The following CSGALNACT1 variants were observed in gnomAD, a reference collection of about 807,000 sequenced individuals.
CSGALNACT1 encodes beta4GalNAcT-1.
In CSGALNACT1, 52 loss-of-function variants were observed where a neutral mutation model predicts 51.0. The ratio of observed to expected loss-of-function variants is 1.02; its 90% confidence interval spans 0.82 to 1.29. CSGALNACT1 has a LOEUF of 1.29. CSGALNACT1 is among the 50% of genes most tolerant of loss of function. The pLI, the probability that CSGALNACT1 is intolerant of heterozygous loss-of-function variation, is 0.00. For missense variants in CSGALNACT1, 935 were observed against 679.2 expected, an observed-to-expected ratio of 1.38 and a Z score of -4.19; for synonymous variants, 341 against 254.4, an observed-to-expected ratio of 1.34 and a Z score of -3.24.
upstream of CSGALNACT1, chr8:19,683,134 A>G (rs372679191): frequency 7.2e-4 from 154 of 213,446 alleles, no homozygotes; most frequent in South Asian, 0.012. Context: ...AGGTGTTAGG[A>G]TTTGATCTGT....
intron 1 of CSGALNACT1, among the ~76,000 whole-genome samples, chr8:19,643,140 T>C (rs890915251): frequency 6.6e-6 from 1 of 152,058 alleles, no homozygotes; most frequent in Non-Finnish European, 1.5e-5. Context: ...ATATGTTATA[T>C]AGTATATTAT....
At chr8:19,476,849 C>A (rs960316832) in intron 4 of CSGALNACT1, among the ~76,000 whole-genome samples, 5 of 152,108 alleles carry the variant, frequency 3.3e-5, no homozygotes, top group African/African-American at 9.7e-5. Context: ...AGTGAGCAAG[C>A]CTTCAGATGA....
At position 19,464,446 on chromosome 8, in the gene CSGALNACT1, T is replaced by C. The variant is rs7015023; in HGVS notation, c.635-5804A>G. On this transcript the variant is annotated intron_variant, in intron 4 of 9. Transcript: ENST00000454498. ...GCTCCGTAATCAGGGCCCCACCTAC[T>C]GTACTAGTTTCAAGTCTTGTTCTTG... Among the ~76,000 whole-genome samples the C allele has an allele frequency of 6.2e-3, 940 of 152,260 alleles. 10 individuals carry two copies. Among genetic ancestry groups the C allele is most frequent in the African/African-American group, 0.022 (909 of 41,554 alleles).
intron 1 of CSGALNACT1, among the ~76,000 whole-genome samples, chr8:19,648,936 ACT>A (rs1196609440): frequency 1.3e-5 from 2 of 152,136 alleles, no homozygotes; most frequent in Non-Finnish European, 2.9e-5. Flanking sequence ...AATAAATCAG[ACT>A]CTACAGTGTT....
chr8:19,669,560 TC>T (rs1180549559), intron 1 of CSGALNACT1, among the ~76,000 whole-genome samples: 1 of 152,222 alleles, frequency 6.6e-6, no homozygotes, highest in Non-Finnish European at 1.5e-5. Flanking sequence ...CAAGCGATTC[TC>T]CTCCTTCAGC....
At chr8:19,510,053 G>A (rs2078174312) in intron 3 of CSGALNACT1, among the ~76,000 whole-genome samples, 2 of 151,936 alleles carry the variant, frequency 1.3e-5, no homozygotes, top group South Asian at 2.1e-4. Context: ...CCCGTTTTTT[G>A]TTTTTTTAAT....
Position 19,439,696 on chromosome 8 carries a change from C to A in CSGALNACT1, c.953+134G>T, listed in dbSNP as rs984461470. ...AGGAGTGCAGACTTTTCCCTGAACA[C>A]AGCCAGCAATCAATCCATCCCAGTT... On this transcript the variant is annotated intron_variant, in intron 6 of 9. Coordinates refer to ENST00000454498, the Ensembl canonical transcript of CSGALNACT1. 6 of 743,876 alleles carry A rather than the reference C, an allele frequency of 8.1e-6. No homozygotes were observed. In the African/African-American group the frequency reaches 1.0e-4, roughly 13 times the overall value. 46.1% of individuals were successfully genotyped at this position (743,876 alleles called of 1,614,324 possible). A position where few individuals can be genotyped will look rare whatever the true frequency, so the allele number is the denominator to read the frequency against.
intron 3 of CSGALNACT1, among the ~76,000 whole-genome samples, chr8:19,540,653 C>A (rs1396206153): frequency 1.3e-5 from 2 of 152,184 alleles, no homozygotes; most frequent in Non-Finnish European, 2.9e-5. Flanking sequence ...CCTGCCTCAA[C>A]TCTCAGCCCT....
chr8:19,664,692 G>A (rs761727605), intron 1 of CSGALNACT1, among the ~76,000 whole-genome samples: 2 of 151,610 alleles, frequency 1.3e-5, no homozygotes, highest in African/African-American at 2.4e-5. Context: ...TATACACAAT[G>A]GAATACTACT....
intron 1 of CSGALNACT1, among the ~76,000 whole-genome samples, chr8:19,717,364 G>A (rs570212424): frequency 2.6e-5 from 4 of 152,288 alleles, no homozygotes; most frequent in Admixed American, 6.5e-5. Context: ...TCTTATGACT[G>A]CAGAAAATAT....
At chr8:19,707,082 T>A (rs143740688) in intron 1 of CSGALNACT1, among the ~76,000 whole-genome samples, 332 of 152,210 alleles carry the variant, frequency 2.2e-3, no homozygotes, top group African/African-American at 7.8e-3. Flanking sequence ...AGTAGGAGGT[T>A]ACTGCCTTTC....
At position 19,637,364 on chromosome 8, in the gene CSGALNACT1, T is replaced by C. The variant is rs146406441; in HGVS notation, c.-543-35499A>G. On this transcript the variant is annotated intron_variant, in intron 1 of 9. Transcript: ENST00000332246. ...GTCGTTTTAGTAATCACAGCAATCATTCTTTTTTATTTACCATATGCACTT... is the reference window on the plus strand; with the variant it reads ...GTCGTTTTAGTAATCACAGCAATCACTCTTTTTTATTTACCATATGCACTT... Among the ~76,000 whole-genome samples the C allele has an allele frequency of 2.2e-3, 339 of 152,360 alleles. 7 individuals carry two copies. The South Asian group carries it at 0.049, about 22-fold the overall frequency.
At chr8:19,521,008 T>C (rs2080560283) in intron 3 of CSGALNACT1, among the ~76,000 whole-genome samples, 2 of 152,176 alleles carry the variant, frequency 1.3e-5, no homozygotes, top group African/African-American at 4.8e-5. Context: ...TAGGTTAATC[T>C]GGAAATGCAG....
intron 4 of CSGALNACT1, among the ~76,000 whole-genome samples, chr8:19,479,524 C>G (rs1317895841): frequency 6.6e-6 from 1 of 152,172 alleles, no homozygotes; most frequent in Non-Finnish European, 1.5e-5. Flanking sequence ...CTCATTAGTT[C>G]TGTCTTATTC....
chr8:19,654,067 G>C (rs1012966833), intron 1 of CSGALNACT1, among the ~76,000 whole-genome samples: 3 of 152,284 alleles, frequency 2.0e-5, no homozygotes, highest in Admixed American at 2.0e-4. Context: ...TGTGCCCACT[G>C]CATGAAAAGC....
At chr8:19,735,765 T>C (rs891214772) in intron 1 of CSGALNACT1, among the ~76,000 whole-genome samples, 2 of 152,108 alleles carry the variant, frequency 1.3e-5, no homozygotes, top group African/African-American at 4.8e-5. Flanking sequence ...TGGAGAAAAA[T>C]TATAATACAT....
At chr8:19,475,427 G>A (rs190279293) in intron 4 of CSGALNACT1, among the ~76,000 whole-genome samples, 1 of 152,258 alleles carries the variant, frequency 6.6e-6, no homozygotes, top group African/African-American at 2.4e-5. Context: ...AACAAAATCT[G>A]TAACAATCTG....
At chr8:19,686,051 C>A (rs2060958433), upstream of CSGALNACT1, among the ~76,000 whole-genome samples, 1 of 152,178 alleles carries the variant, frequency 6.6e-6, no homozygotes, top group South Asian at 2.1e-4. Flanking sequence ...TGATAGCTGC[C>A]TTTACACAAA....
intron 1 of CSGALNACT1, among the ~76,000 whole-genome samples, chr8:19,612,517 A>G (rs1302128740): frequency 6.6e-6 from 1 of 152,116 alleles, no homozygotes; most frequent in Non-Finnish European, 1.5e-5. Context: ...ATAAAGGCCC[A>G]AGAAAAAGGA....
Sources: gnomAD v4.1 joint callset for allele counts (sites outside exome capture counted in the v4.1 genomes callset) on GRCh38, gnomAD v4.1.1 for gene constraint, MANE v1.5 for transcripts, NCBI Gene and HGNC (gene_info 2026-07-23, HGNC 2026-07-21) for gene names.